The following PIK3C2B variants were observed in gnomAD, a reference collection of about 807,000 sequenced individuals.
PIK3C2B encodes phosphatidylinositol 4-phosphate 3-kinase C2 domain-containing subunit beta.
A neutral mutation model predicts 184.3 loss-of-function variants in PIK3C2B; 83 were observed. That is an observed-to-expected ratio of 0.45 (90% CI 0.38 to 0.54). The LOEUF (loss-of-function observed/expected upper bound fraction) is 0.54, where lower values mean the gene tolerates loss of function less well. PIK3C2B is among the 20% of genes least tolerant of loss of function. The pLI is 0.00. For missense variants in PIK3C2B, 1,736 were observed against 2,113.5 expected, an observed-to-expected ratio of 0.82 and a Z score of 3.50; for synonymous variants, 779 against 837.6, an observed-to-expected ratio of 0.93 and a Z score of 1.21.
At chr1:204,461,789 G>A (rs961138911) in intron 5 of PIK3C2B, among the ~76,000 whole-genome samples, 2 of 151,852 alleles carry the variant, frequency 1.3e-5, no homozygotes, top group Non-Finnish European at 2.9e-5. Flanking sequence ...GGTGGGGCTG[G>A]GGGAGGTGGC....
intron 28 of PIK3C2B, 116 bp downstream of exon 28, chr1:204,431,553 G>A (rs1675056972): frequency 7.7e-7 from 1 of 1,294,006 alleles, no homozygotes; most frequent in African/African-American, 1.5e-5. Context: ...AGCAAAGCAG[G>A]CAGATGTTTA....
intron 8 of PIK3C2B, among the ~76,000 whole-genome samples, 159 bp downstream of exon 8, chr1:204,459,719 T>C (rs143102761): frequency 5.3e-5 from 8 of 152,286 alleles, no homozygotes; most frequent in African/African-American, 1.9e-4. Flanking sequence ...CTAGTAGTCT[T>C]AGTTTGCCCA....
rs1294865762 is a variant in PIK3C2B, at chr1:204,467,221, G to A, written c.933+1649C>T. 1.4e-5 allele frequency: 4 copies of A among 284,242 alleles called. No homozygotes were observed. The East Asian group carries it at 4.1e-4, about 29-fold the overall frequency. The allele number at this position is 284,242 out of a possible 1,614,324, so 17.6% of individuals were successfully genotyped here. ...ACCTACCAGGGTGCCCTGACTCAGT[G>A]AGCAGGCCCAGCTGGGTGTGAGGAA... On this transcript the variant is annotated intron_variant, in intron 2 of 32. Coordinates refer to ENST00000684373, the MANE Select transcript of PIK3C2B (RefSeq NM_001377334.1).
At chr1:204,454,196 G>C (rs1469106056) in intron 12 of PIK3C2B, among the ~76,000 whole-genome samples, 1 of 152,024 alleles carries the variant, frequency 6.6e-6, no homozygotes, top group African/African-American at 2.4e-5. Flanking sequence ...AGTCAGGGAA[G>C]TGGAGGCCAG....
At chr1:204,465,836 AGAG>A (rs1278173306) in intron 2 of PIK3C2B, among the ~76,000 whole-genome samples, 5 of 152,232 alleles carry the variant, frequency 3.3e-5, no homozygotes, top group African/African-American at 1.2e-4. Flanking sequence ...ACCCTTAGAT[AGAG>A]GAGATGACTC....
chr1:204,427,532 A>G (rs1674810297), intron 31 of PIK3C2B, 116 bp downstream of exon 31: 3 of 700,850 alleles, frequency 4.3e-6, no homozygotes, highest in Non-Finnish European at 7.7e-6. Context: ...TCCATGGTGG[A>G]TGCTCAGTAG....
intron 1 of PIK3C2B, among the ~76,000 whole-genome samples, chr1:204,476,028 C>A (rs756792138): frequency 3.4e-4 from 52 of 152,124 alleles, no homozygotes; most frequent in Non-Finnish European, 6.8e-4. Flanking sequence ...AGAAGGCCAC[C>A]CCCAAGGTGA....
Position 204,438,988 on chromosome 1 carries a change from GCCGGTCCTTGAACGA to G in PIK3C2B, c.3448_3462del (p.Ser1150_Arg1154del). The G allele has an allele frequency of 1.9e-6, 3 of 1,614,134 alleles. No individual in the cohort carries two copies. The highest frequency in any genetic ancestry group is 1.7e-6 in the Non-Finnish European group (2 of 1,180,030). On this transcript the variant is annotated inframe_deletion, in exon 23 of 33. Coordinates refer to ENST00000684373, the MANE Select transcript of PIK3C2B (RefSeq NM_001377334.1). ...TGTTTCTGCAGCCAGTCTGCCAGGG[GCCGGTCCTTGAACGA>G]GCCGGTCACCCCATGCTCCACCTGG... is the stretch of plus-strand genomic sequence containing the variant.
At chr1:204,460,465 C>T (rs543010300) in intron 6 of PIK3C2B, 62 bp from the exon 7 acceptor site, 1 of 1,533,642 alleles carries the variant, frequency 6.5e-7, no homozygotes, top group South Asian at 1.1e-5. Flanking sequence ...AGCACTCCTA[C>T]CCCCCTCCCA....
chr1:204,482,429 G>A (rs1475921314), intron 1 of PIK3C2B, among the ~76,000 whole-genome samples: 5 of 152,142 alleles, frequency 3.3e-5, no homozygotes, highest in Non-Finnish European at 5.9e-5. Context: ...GAACCCAGCC[G>A]GAAGACCAAG....
In PIK3C2B at chr1:204,447,654, C is replaced by T. The variant is rs1414852322; in HGVS notation, c.2347-76G>A. The T allele has an allele frequency of 4.7e-6, 5 of 1,065,830 alleles. No individual in the cohort carries two copies. Among genetic ancestry groups the T allele is most frequent in the South Asian group, 1.3e-5 (1 of 74,128 alleles). The allele number at this position is 1,065,830 out of a possible 1,614,324, so 66.0% of individuals were successfully genotyped here. On this transcript the variant is annotated intron_variant, in intron 14 of 32. Coordinates refer to ENST00000684373, the MANE Select transcript of PIK3C2B (RefSeq NM_001377334.1). This position sits in a 1 kb window ranked among gnomAD's most constrained non-coding sequence, Gnocchi z 4.1. The stretch of plus-strand genomic sequence containing the variant: ...GACTCCCAGCTTCTTTCTCTCACCC[C>T]AGCATTCCGGCCTTGTCCCTCCCTC...
In PIK3C2B at chr1:204,424,547, A is replaced by C; in HGVS notation, c.*305T>G. 2 of 361,216 alleles carry C rather than the reference A, an allele frequency of 5.5e-6. No individual in the cohort carries two copies. The highest frequency in any genetic ancestry group is 5.4e-6 in the Non-Finnish European group (1 of 185,958). The allele number at this position is 361,216 out of a possible 1,614,324, so 22.4% of individuals were successfully genotyped here. A position where few individuals can be genotyped will look rare whatever the true frequency, so the allele number is the denominator to read the frequency against. On this transcript the variant is annotated 3_prime_UTR_variant, in exon 33 of 33. Coordinates refer to ENST00000684373, the MANE Select transcript of PIK3C2B (RefSeq NM_001377334.1). ...CCCAAAATGCTACTTCATACAGCCC[A>C]CCCCACACACTCCCCAAACCAAGCA... is the stretch of plus-strand genomic sequence containing the variant.
At chr1:204,452,366 C>T (rs1654445185) in intron 12 of PIK3C2B, among the ~76,000 whole-genome samples, 1 of 125,268 alleles carries the variant, frequency 8.0e-6, no homozygotes, top group Non-Finnish European at 1.6e-5. Context: ...CAGCCTTGAC[C>T]TCCCAGGCTC....
At chr1:204,431,544 G>A in intron 28 of PIK3C2B, 125 bp downstream of exon 28, 1 of 1,221,174 alleles carries the variant, frequency 8.2e-7, no homozygotes. Flanking sequence ...ACCAGGCCAA[G>A]CAAAGCAGGC....
At chr1:204,474,151 G>C (rs557367786) in intron 1 of PIK3C2B, among the ~76,000 whole-genome samples, 2 of 152,038 alleles carry the variant, frequency 1.3e-5, no homozygotes, top group Admixed American at 1.3e-4. Context: ...GCCACCACGC[G>C]CAGCTAATTT....
chr1:204,425,510 G>T, intron 32 of PIK3C2B, 103 bp downstream of exon 32: 1 of 1,286,562 alleles, frequency 7.8e-7, no homozygotes, highest in Non-Finnish European at 1.1e-6. Flanking sequence ...GTACAGCCAT[G>T]TTCTTAATAC....
At chr1:204,426,710 T>C (rs1245702390) in intron 31 of PIK3C2B, among the ~76,000 whole-genome samples, 1 of 152,228 alleles carries the variant, frequency 6.6e-6, no homozygotes, top group Non-Finnish European at 1.5e-5. Context: ...AATGTATCAG[T>C]ATATAGCAGG....
At chr1:204,431,832 C>T in intron 27 of PIK3C2B, 39 bp from the exon 28 acceptor site, 1 of 1,613,850 alleles carries the variant, frequency 6.2e-7, no homozygotes, top group Non-Finnish European at 8.5e-7. Flanking sequence ...CTGCCGAGCC[C>T]TCTGCACCCA....
intron 23 of PIK3C2B, among the ~76,000 whole-genome samples, chr1:204,434,832 G>A (rs1050145922): frequency 1.3e-5 from 2 of 152,214 alleles, no homozygotes; most frequent in African/African-American, 4.8e-5. Flanking sequence ...AGATTTATAT[G>A]TATATCTTCA....
Sources: gnomAD v4.1 joint callset for allele counts (sites outside exome capture counted in the v4.1 genomes callset) on GRCh38, gnomAD v4.1.1 for gene constraint, Gnocchi (gnomAD v3.1) non-coding constraint, MANE v1.5 for transcripts, NCBI Gene and HGNC (gene_info 2026-07-23, HGNC 2026-07-21) for gene names.